The following LEPR variants were observed in gnomAD, a reference collection of about 807,000 sequenced individuals.
LEPR encodes OB receptor.
Under a neutral mutation model 114.7 loss-of-function variants are expected in LEPR, and 56 were observed. The observed-to-expected ratio is 0.49, with a 90% confidence interval of 0.39 to 0.61. The LOEUF is 0.61. LEPR is among the 20% of genes least tolerant of loss of function. The pLI is 0.00. For missense variants in LEPR, 1,202 were observed against 1,352.9 expected (o/e 0.89, Z 1.75); for synonymous variants, 443 against 461.4 (o/e 0.96, Z 0.51).
intron 2 of LEPR, chr1:65,434,237 A>G: frequency 2.0e-6 from 2 of 976,072 alleles, no homozygotes; most frequent in Non-Finnish European, 2.4e-6. Flanking sequence ...TATTAATAGG[A>G]AATATTGCTA....
chr1:65,579,393 A>T (rs911511567), intron 5 of LEPR, among the ~76,000 whole-genome samples: 9 of 152,178 alleles, frequency 5.9e-5, no homozygotes, highest in Non-Finnish European at 1.2e-4. Context: ...GCCATTGAAG[A>T]TATTTTATTG....
chr1:65,621,851 C>A (rs573070134), intron 18 of LEPR, among the ~76,000 whole-genome samples: 1 of 151,634 alleles, frequency 6.6e-6, no homozygotes, highest in East Asian at 1.9e-4. Flanking sequence ...AAGTTTATGG[C>A]GGGGTTGGAA....
intron 16 of LEPR, among the ~76,000 whole-genome samples, chr1:65,618,769 A>C (rs1191489183): frequency 6.6e-6 from 1 of 152,212 alleles, no homozygotes; most frequent in Non-Finnish European, 1.5e-5. Context: ...TTAATGATAT[A>C]GCATTTTATT....
chr1:65,488,017 CCTTT>C (rs946753754), intron 2 of LEPR, among the ~76,000 whole-genome samples: 3 of 148,024 alleles, frequency 2.0e-5, no homozygotes, highest in Non-Finnish European at 4.5e-5. Flanking sequence ...TTCCTTCCTT[CCTTT>C]CTCTTTCTTT....
intron 2 of LEPR, among the ~76,000 whole-genome samples, chr1:65,469,198 G>C (rs150269065): frequency 9.8e-5 from 15 of 152,292 alleles, no homozygotes; most frequent in African/African-American, 3.1e-4. Flanking sequence ...GGCTAATACA[G>C]ATGAGGCAGG....
chr1:65,613,668 G>A (rs1317091517), intron 14 of LEPR, among the ~76,000 whole-genome samples: 1 of 129,758 alleles, frequency 7.7e-6, no homozygotes, highest in South Asian at 2.4e-4. Flanking sequence ...CAGGAGAATG[G>A]CGTGAACCCA....
rs1382839694 is a variant in LEPR, at chr1:65,476,036, A to AC, written c.-21+50664dup. 6.0e-5 allele frequency among the ~76,000 whole-genome samples: 9 copies of AC among 150,318 alleles called. 1 individual carries two copies. The highest frequency in any genetic ancestry group is 3.0e-5 in the Non-Finnish European group (2 of 67,664). ...TGTGTTAAAACAAACAAAACAAAAA[A>AC]CCCCCCAAATTAAAAATATTTCCAT... On this transcript the variant is annotated intron_variant, in intron 2 of 19. Coordinates refer to ENST00000349533, the MANE Select transcript of LEPR (RefSeq NM_002303.6).
At chr1:65,557,239 C>T (rs562415656) in intron 2 of LEPR, among the ~76,000 whole-genome samples, 1 of 152,190 alleles carries the variant, frequency 6.6e-6, no homozygotes, top group South Asian at 2.1e-4. Context: ...TTCATTTTAA[C>T]TACTCAGAAT....
Position 65,547,828 on chromosome 1 carries a change from C to G in LEPR, c.-20-17718C>G, listed in dbSNP as rs374372356. ...TTCCTTCAGTTCTGCTCTGATTTTA[C>G]ATATTTCTTGCCTTCTGCTGGCTTT... On this transcript the variant is annotated intron_variant, in intron 2 of 19. Transcript: ENST00000349533. Among the ~76,000 whole-genome samples, 59 of 57,276 alleles carry G rather than the reference C, an allele frequency of 1.0e-3. 5 individuals carry two copies. Among genetic ancestry groups the G allele is most frequent in the African/African-American group, 2.4e-3 (31 of 13,014 alleles). The allele number at this position is 57,276 out of a possible 152,430, so 37.6% of individuals were successfully genotyped here.
At chr1:65,533,662 C>T (rs921799528) in intron 2 of LEPR, among the ~76,000 whole-genome samples, 7 of 147,150 alleles carry the variant, frequency 4.8e-5, no homozygotes, top group Non-Finnish European at 7.7e-5. Flanking sequence ...CTACATACTT[C>T]TTTATCTGTG....
At chr1:65,579,596 C>T (rs1380056962) in intron 5 of LEPR, among the ~76,000 whole-genome samples, 1 of 152,152 alleles carries the variant, frequency 6.6e-6, no homozygotes, top group East Asian at 1.9e-4. Flanking sequence ...TATTCCTTTG[C>T]ATAGTAGTAC....
intron 2 of LEPR, among the ~76,000 whole-genome samples, chr1:65,457,818 A>G (rs767278608): frequency 6.6e-6 from 1 of 152,200 alleles, no homozygotes; most frequent in African/African-American, 2.4e-5. Flanking sequence ...CTACAACAGA[A>G]TCCAAATCCA....
chr1:65,445,722 A>G (rs1474999307), intron 2 of LEPR, among the ~76,000 whole-genome samples: 1 of 152,006 alleles, frequency 6.6e-6, no homozygotes, highest in Non-Finnish European at 1.5e-5. Flanking sequence ...CTGAACTTAG[A>G]GTTTTGTTTT....
At position 65,572,752 on chromosome 1, in the gene LEPR, C is replaced by A. The variant is rs12033452; in HGVS notation, c.494+303C>A. ...AGTGGGTGGATGGGCAATAGCTGAACGAACACTCTGGGGGCCTTAAACAGG... is the reference window on the plus strand; with the variant it reads ...AGTGGGTGGATGGGCAATAGCTGAAAGAACACTCTGGGGGCCTTAAACAGG... On this transcript the variant is annotated intron_variant, in intron 5 of 19. Transcript: ENST00000349533. Among the ~76,000 whole-genome samples, 46,159 of 151,914 alleles carry A rather than the reference C, an allele frequency of 0.3. 7,921 individuals are homozygous for A. The highest frequency in any genetic ancestry group is 0.83 in the East Asian group (4,281 of 5,154).
intron 2 of LEPR, among the ~76,000 whole-genome samples, chr1:65,517,972 T>A (rs1338410096): frequency 6.6e-6 from 1 of 152,228 alleles, no homozygotes; most frequent in Non-Finnish European, 1.5e-5. Flanking sequence ...ATATGTGAAG[T>A]GAACTATAAT....
At chr1:65,470,598 A>G (rs945416735) in intron 2 of LEPR, among the ~76,000 whole-genome samples, 2 of 152,194 alleles carry the variant, frequency 1.3e-5, no homozygotes, top group Non-Finnish European at 2.9e-5. Flanking sequence ...ATAAGCAAAC[A>G]GAGGGAAATT....
intron 2 of LEPR, among the ~76,000 whole-genome samples, chr1:65,441,111 A>G (rs1006460945): frequency 3.9e-5 from 6 of 152,252 alleles, no homozygotes; most frequent in Non-Finnish European, 8.8e-5. Context: ...AGCAGTAGGT[A>G]GAATGAGATG....
intron 2 of LEPR, among the ~76,000 whole-genome samples, chr1:65,480,556 A>T (rs1203515322): frequency 4.6e-5 from 7 of 152,216 alleles, no homozygotes; most frequent in African/African-American, 1.7e-4. Context: ...CAAAATACCC[A>T]CAGGTGAATG....
At chr1:65,426,858 C>T (rs565174500) in intron 2 of LEPR, among the ~76,000 whole-genome samples, 167 of 152,250 alleles carry the variant, frequency 1.1e-3, no homozygotes, top group Non-Finnish European at 1.9e-3. Context: ...ATTAGCTGGG[C>T]GTGGTGGCAC....
Sources: allele counts gnomAD v4.1 joint callset (sites outside exome capture counted in the v4.1 genomes callset), GRCh38; gene constraint gnomAD v4.1.1; transcripts MANE v1.5; gene names NCBI Gene and HGNC (gene_info 2026-07-23, HGNC 2026-07-21).